CACNB3: variants seen among roughly 807,000 people sequenced by gnomAD.
The protein encoded by CACNB3 is calcium voltage-gated channel auxiliary subunit beta 3.
A neutral mutation model predicts 63.7 loss-of-function variants in CACNB3; 36 were observed. The ratio of observed to expected loss-of-function variants is 0.57; its 90% CI spans 0.43 to 0.75. The LOEUF (loss-of-function observed/expected upper bound fraction) is 0.75. Among genes scored for constraint, CACNB3 ranks in the 30% least tolerant of loss-of-function variants. CACNB3 has a pLI of 0.00. For synonymous variants in CACNB3, 241 were observed against 250.6 expected, an observed-to-expected ratio of 0.96 and a Z score of 0.36; for missense variants, 493 against 648.6, an observed-to-expected ratio of 0.76 and a Z score of 2.61.
rs1194375360 is a variant in CACNB3 at position 48,828,173 on chromosome 12, G to GAGGAGCTTCCACTCCTCCCAC, written c.*275_*276insGGAGCTTCCACTCCTCCCACA. 16 of 517,828 alleles carry GAGGAGCTTCCACTCCTCCCAC rather than the reference G, an allele frequency of 3.1e-5. No homozygotes were observed. Among genetic ancestry groups the GAGGAGCTTCCACTCCTCCCAC allele is most frequent in the African/African-American group, 3.1e-4 (16 of 52,206 alleles). 32.1% of individuals were successfully genotyped at this position (517,828 alleles called of 1,614,324 possible). A position where few individuals can be genotyped will look rare whatever the true frequency, so the allele number is the denominator to read the frequency against. On this transcript the variant is annotated 3_prime_UTR_variant, in exon 13 of 13. Transcript: ENST00000301050. ...GGCACCTTCCTCTCCTCCCACACAG[G>GAGGAGCTTCCACTCCTCCCAC]AAGCTGCCCCACTGGGCAGTGCCCT...
intron 4 of CACNB3, 129 bp from the exon 5 acceptor site, chr12:48,824,540 T>C (rs181282079): frequency 2.1e-5 from 22 of 1,056,512 alleles, no homozygotes; most frequent in Admixed American, 8.2e-5. Context: ...CACACACACA[T>C]ATTGCATGTA....
In CACNB3 at chr12:48,827,066, C is replaced by A. The variant is rs776939149; in HGVS notation, c.1083C>A (p.His361Gln). The change falls in exon 12 of 13, where the codon CAC (histidine) becomes CAA (glutamine). Residue 361 changes from histidine (H) to glutamine (Q), a missense_variant. Transcript: ENST00000301050. ...EYLEVYWRAT[H>Q]HPAPGPGLLG... ...TGGAGGTTTACTGGCGGGCCACGCA[C>A]CACCCAGCCCCTGGCCCCGGACTTC... The A allele has an allele frequency of 5.0e-6, 8 of 1,613,326 alleles. No homozygotes were observed.
At chr12:48,824,064 G>A in intron 3 of CACNB3, 194 bp from the exon 4 acceptor site, 1 of 664,022 alleles carries the variant, frequency 1.5e-6, no homozygotes, top group Admixed American at 2.9e-5. Flanking sequence ...TGTGACAGCT[G>A]CAATGCCTCA....
chr12:48,824,936 C>G lies in CACNB3; in HGVS notation c.473-13C>G. ...TTCACCAACTTTAATCTTGTATTTCCTTTTCCAAAAAGCCAAGCAGAAGCA... is the reference window on the plus strand; with the variant it reads ...TTCACCAACTTTAATCTTGTATTTCGTTTTCCAAAAAGCCAAGCAGAAGCA... On this transcript the variant is annotated splice_polypyrimidine_tract_variant and intron_variant, in intron 5 of 12. Coordinates refer to ENST00000301050, the MANE Select transcript of CACNB3 (RefSeq NM_000725.4). 1 of 1,613,478 alleles carries G rather than the reference C, an allele frequency of 6.2e-7. No individual in the cohort carries two copies. Among genetic ancestry groups the G allele is most frequent in the Non-Finnish European group, 8.5e-7 (1 of 1,179,906 alleles).
Position 48,828,074 on chromosome 12 carries a change from G to A in CACNB3, c.*175G>A. ...TCCCAAGGTTCTGGGAGAAACAGGG[G>A]ACCCCCTCACCTCCTGGGCAGTGAC... On this transcript the variant is annotated 3_prime_UTR_variant, in exon 13 of 13. Transcript: ENST00000301050. 1 of 624,628 alleles carries A rather than the reference G, an allele frequency of 1.6e-6. No individual in the cohort carries two copies. The highest frequency in any genetic ancestry group is 2.8e-6 in the Non-Finnish European group (1 of 356,306). 38.7% of individuals were successfully genotyped at this position (624,628 alleles called of 1,614,324 possible).
At position 48,825,649 on chromosome 12, in the gene CACNB3, T is replaced by C. The variant is rs772553080; in HGVS notation, c.633-11T>C. ...TTAGAAGCAAGCTGTGATTCTCCAC[T>C]CCCACCCCAGGATCTCCATCACCCG... is the stretch of plus-strand genomic sequence containing the variant. On this transcript the variant is annotated splice_polypyrimidine_tract_variant and intron_variant, in intron 8 of 12. Transcript: ENST00000301050. The surrounding 1 kb of genome is among the most constrained non-coding windows in gnomAD (Gnocchi z 4.5). 1 of 1,609,234 alleles carries C rather than the reference T, an allele frequency of 6.2e-7. No individual in the cohort carries two copies. The highest frequency in any genetic ancestry group is 1.1e-5 in the South Asian group (1 of 90,972).
In CACNB3 at chr12:48,827,760, C is replaced by T; in HGVS notation, c.1316C>T (p.Pro439Leu). Reference sequence around the variant, plus strand: ...GATGCCTACCAGGACCTGTACCAGCCTCACCGCCAACACACCTCGGGGCTG... The same window carrying T: ...GATGCCTACCAGGACCTGTACCAGCTTCACCGCCAACACACCTCGGGGCTG... ...YADAYQDLYQ[P>L]HRQHTSGLPS... The change falls in exon 13 of 13, where the codon CCT (proline) becomes CTT (leucine). Residue 439 changes from proline (P) to leucine (L), a missense_variant. Pro to Leu is a moderately conservative substitution (Grantham distance 98, BLOSUM62 -3). Coordinates refer to ENST00000301050, the MANE Select transcript of CACNB3 (RefSeq NM_000725.4). 1 of 1,614,210 alleles carries T rather than the reference C, an allele frequency of 6.2e-7. No homozygotes were observed. The highest frequency in any genetic ancestry group is 1.6e-4 in the Middle Eastern group (1 of 6,062).
In CACNB3 at chr12:48,828,026, C is replaced by T. The variant is rs534523283; in HGVS notation, c.*127C>T. 306 of 813,844 alleles carry T rather than the reference C, an allele frequency of 3.8e-4. 2 individuals are homozygous for T. In the South Asian group the frequency reaches 4.6e-3, roughly 12 times the overall value. 50.4% of individuals were successfully genotyped at this position (813,844 alleles called of 1,614,324 possible). A position where few individuals can be genotyped will look rare whatever the true frequency, so the allele number is the denominator to read the frequency against. ...CAGCCCCCAAAACCCCCTGCCCAGC[C>T]CCAGCTTCAGGGCTGCCTGTGGTCC... On this transcript the variant is annotated 3_prime_UTR_variant, in exon 13 of 13. Transcript: ENST00000301050.
Position 48,818,804 on chromosome 12 carries a change from C to T in CACNB3, c.-126C>T, listed in dbSNP as rs914566564. 2.0e-5 allele frequency: 27 copies of T among 1,367,318 alleles called. No homozygotes were observed. Among genetic ancestry groups the T allele is most frequent in the South Asian group, 5.4e-5 (3 of 55,566 alleles). The allele number at this position is 1,367,318 out of a possible 1,614,324, so 84.7% of individuals were successfully genotyped here. A position where few individuals can be genotyped will look rare whatever the true frequency, so the allele number is the denominator to read the frequency against. ...GCTCCCTCCTTCGCGCTCTCTCGCT[C>T]CCTGCCGCCGCCCGCAGGGCTGCGG... On this transcript the variant is annotated 5_prime_UTR_variant, in exon 1 of 13. Transcript: ENST00000301050. This position sits in a 1 kb window ranked among gnomAD's most constrained non-coding sequence, Gnocchi z 4.3.
upstream of CACNB3, chr12:48,815,658 G>C (rs1166687551): frequency 2.0e-6 from 3 of 1,534,754 alleles, no homozygotes; most frequent in South Asian, 2.4e-5. Flanking sequence ...CCTGGCCCGG[G>C]GGAGGGGGAG....
At position 48,823,524 on chromosome 12, in the gene CACNB3, C is replaced by A; in HGVS notation, c.168+58C>A. On this transcript the variant is annotated intron_variant, in intron 2 of 12. Transcript: ENST00000301050. The surrounding 1 kb of genome is among the most constrained non-coding windows in gnomAD (Gnocchi z 4.2). Reference sequence around the variant, plus strand: ...GCCAAGCTAGGTGGAAACCTGCACTCGGTCCTAAGTCCCAAGGGGTCCTTG... The same window carrying A: ...GCCAAGCTAGGTGGAAACCTGCACTAGGTCCTAAGTCCCAAGGGGTCCTTG... The A allele has an allele frequency of 6.2e-7, 1 of 1,602,330 alleles. No homozygotes were observed. Among genetic ancestry groups the A allele is most frequent in the South Asian group, 1.1e-5 (1 of 88,872 alleles).
chr12:48,825,810 GCCAGTGAGAA>G lies in CACNB3; in HGVS notation c.742+44_742+53del. On this transcript the variant is annotated intron_variant, in intron 9 of 12. Transcript: ENST00000301050. The surrounding 1 kb of genome is among the most constrained non-coding windows in gnomAD (Gnocchi z 4.5). ...CACCTGCTTCTGTGCCCACTCAAGT[GCCAGTGAGAA>G]CCTTCCTCCTCCCTTTTCTTTTTTT... is the stretch of plus-strand genomic sequence containing the variant. 3 of 1,416,104 alleles carry G rather than the reference GCCAGTGAGAA, an allele frequency of 2.1e-6. No homozygotes were observed. Among genetic ancestry groups the G allele is most frequent in the Non-Finnish European group, 3.0e-6 (3 of 1,004,464 alleles). The allele number at this position is 1,416,104 out of a possible 1,614,324, so 87.7% of individuals were successfully genotyped here.
At chr12:48,819,940 C>T in intron 1 of CACNB3, 1 of 304,118 alleles carries the variant, frequency 3.3e-6, no homozygotes, top group Non-Finnish European at 6.6e-6. Flanking sequence ...CCTCAAATGT[C>T]CTGTAAGAAG....
At position 48,825,579 on chromosome 12, in the gene CACNB3, G is replaced by A. The variant is rs1012746404; in HGVS notation, c.633-81G>A. 2.9e-5 allele frequency: 45 copies of A among 1,574,000 alleles called. No individual in the cohort carries two copies. In the African/African-American group the frequency reaches 3.8e-4, roughly 13 times the overall value. On this transcript the variant is annotated intron_variant, in intron 8 of 12. Transcript: ENST00000301050. This position sits in a 1 kb window ranked among gnomAD's most constrained non-coding sequence, Gnocchi z 4.5. ...ATGCCTGTAGCTAGTCTTCTCTAAG[G>A]GAAGAGTTAGTGGGAGCTGAGTAAG...
At position 48,826,161 on chromosome 12, in the gene CACNB3, C is replaced by G; in HGVS notation, c.743-206C>G. On this transcript the variant is annotated intron_variant, in intron 9 of 12. Coordinates refer to ENST00000301050, the MANE Select transcript of CACNB3 (RefSeq NM_000725.4). The surrounding 1 kb of genome is among the most constrained non-coding windows in gnomAD (Gnocchi z 4.8). ...CCTTTTCTCTTCCTTACCTCCTTGT[C>G]TTTCTGCCCAACTCCTCTACCTGCC... 1 of 598,818 alleles carries G rather than the reference C, an allele frequency of 1.7e-6. No individual in the cohort carries two copies. Among genetic ancestry groups the G allele is most frequent in the Non-Finnish European group, 3.0e-6 (1 of 337,450 alleles). 37.1% of individuals were successfully genotyped at this position (598,818 alleles called of 1,614,324 possible). A position where few individuals can be genotyped will look rare whatever the true frequency, so the allele number is the denominator to read the frequency against.
chr12:48,818,999 G>C lies in CACNB3; in HGVS notation c.45+25G>C, dbSNP rs768080707. ...GGTGAGTGCCCACGATGAGGGTGGG[G>C]GCGGGGAAGTTGGGGTGACACCTCC... On this transcript the variant is annotated intron_variant, in intron 1 of 12. Transcript: ENST00000301050. The surrounding 1 kb of genome is among the most constrained non-coding windows in gnomAD (Gnocchi z 4.3). 1.1e-4 allele frequency: 169 copies of C among 1,600,046 alleles called. No individual in the cohort carries two copies. The highest frequency in any genetic ancestry group is 1.4e-4 in the Non-Finnish European group (160 of 1,173,430).
At chr12:48,824,629 C>T (rs750588128) in intron 4 of CACNB3, 40 bp from the exon 5 acceptor site, 1 of 1,527,170 alleles carries the variant, frequency 6.5e-7, no homozygotes, top group South Asian at 1.1e-5. Context: ...CACAGAGACA[C>T]ATTCTTCTCT....
Position 48,825,047 on chromosome 12 carries a change from G to A in CACNB3, c.492+79G>A. The A allele has an allele frequency of 6.3e-7, 1 of 1,593,136 alleles. No individual in the cohort carries two copies. The highest frequency in any genetic ancestry group is 8.6e-7 in the Non-Finnish European group (1 of 1,161,256). On this transcript the variant is annotated intron_variant, in intron 6 of 12. Transcript: ENST00000301050. The surrounding 1 kb of genome is among the most constrained non-coding windows in gnomAD (Gnocchi z 4.5). ...ACAGTGTTCTAGGCAGTCATTGTTGGAGGGCAGAACAGAGAGGGGAGGGAG... is the reference window on the plus strand; with the variant it reads ...ACAGTGTTCTAGGCAGTCATTGTTGAAGGGCAGAACAGAGAGGGGAGGGAG...
Position 48,825,424 on chromosome 12 carries a change from C to T in CACNB3, c.574-10C>T. On this transcript the variant is annotated splice_polypyrimidine_tract_variant and intron_variant, in intron 7 of 12. Coordinates refer to ENST00000301050, the MANE Select transcript of CACNB3 (RefSeq NM_000725.4). This position sits in a 1 kb window ranked among gnomAD's most constrained non-coding sequence, Gnocchi z 4.5. The stretch of plus-strand genomic sequence containing the variant: ...AAGGGGCCCTTCATCAGTGCCATGC[C>T]TTCCCCCAGGTCACAGACATGATGC... 6.2e-7 allele frequency: 1 copy of T among 1,614,164 alleles called. No homozygotes were observed. Among genetic ancestry groups the T allele is most frequent in the Non-Finnish European group, 8.5e-7 (1 of 1,180,020 alleles).
Sources: gnomAD v4.1 joint callset for allele counts on GRCh38, gnomAD v4.1.1 for gene constraint, Gnocchi (gnomAD v3.1) non-coding constraint, MANE v1.5 for transcripts, NCBI Gene and HGNC (gene_info 2026-07-23, HGNC 2026-07-21) for gene names.